RANBP2: variants seen among roughly 807,000 people sequenced by gnomAD.
RANBP2 encodes the protein RAN binding protein 2, also known as E3 SUMO-protein ligase RanBP2.
A neutral mutation model predicts 303.6 loss-of-function variants in RANBP2; 57 were observed. That is an observed-to-expected ratio of 0.19 (90% CI 0.15 to 0.23). The LOEUF is 0.23. Among genes scored for constraint, RANBP2 ranks in the 10% least tolerant of loss-of-function variants. RANBP2 has a pLI of 1.00. For missense variants in RANBP2, 3,138 were observed against 3,780.8 expected (o/e 0.83, Z 4.46); for synonymous variants, 1,167 against 1,301.5 (o/e 0.90, Z 2.23).
the RANBP2 span, chr2:109,449,110 CAG>C: frequency 6.5e-7 from 1 of 1,549,438 alleles, no homozygotes; most frequent in Non-Finnish European, 8.7e-7. Flanking sequence ...AGCTGCCTGG[CAG>C]GCATGGCAAG....
intron 21 of RANBP2, among the ~76,000 whole-genome samples, 153 bp downstream of exon 21, chr2:108,772,024 T>C (rs1311795974): frequency 6.6e-6 from 1 of 152,232 alleles, no homozygotes; most frequent in African/African-American, 2.4e-5. Context: ...AAATGGTCAA[T>C]GGATATAGTG....
At chr2:109,051,950 G>T in the RANBP2 span, among the ~76,000 whole-genome samples, 1 of 152,026 alleles carries the variant, frequency 6.6e-6, no homozygotes, top group African/African-American at 2.4e-5. Flanking sequence ...GGGTTTCACC[G>T]TGTTAGCCAG....
In RANBP2 at chr2:108,719,561, C is replaced by G. The variant is rs2149044998; in HGVS notation, c.-46C>G. 6.3e-7 allele frequency: 1 copy of G among 1,577,198 alleles called. No individual in the cohort carries two copies. Among genetic ancestry groups the G allele is most frequent in the Non-Finnish European group, 8.6e-7 (1 of 1,163,286 alleles). On this transcript the variant is annotated 5_prime_UTR_variant, in exon 1 of 29. Coordinates refer to ENST00000283195, the MANE Select transcript of RANBP2 (RefSeq NM_006267.5). ...TCTTGGAAGTGGCGACTGCTGCGGG[C>G]CTGAGCGCTGGTCTCACGCGCCTCG...
At chr2:109,043,664 A>G in the RANBP2 span, among the ~76,000 whole-genome samples, 1 of 152,234 alleles carries the variant, frequency 6.6e-6, no homozygotes, top group Non-Finnish European at 1.5e-5. Flanking sequence ...TCACAAGCAT[A>G]GTTATTTAAA....
the RANBP2 span, among the ~76,000 whole-genome samples, chr2:108,928,220 G>A: frequency 3.3e-5 from 5 of 152,174 alleles, no homozygotes; most frequent in Non-Finnish European, 7.3e-5. Context: ...CAGCTGCTCA[G>A]CCCTCTGAAC....
the RANBP2 span, among the ~76,000 whole-genome samples, chr2:108,813,397 A>G: frequency 6.6e-6 from 1 of 152,070 alleles, no homozygotes; most frequent in Non-Finnish European, 1.5e-5. Flanking sequence ...ATTTTTTAAT[A>G]GGGAAATATC....
At chr2:108,844,790 C>T in the RANBP2 span, among the ~76,000 whole-genome samples, 1 of 150,068 alleles carries the variant, frequency 6.7e-6, no homozygotes, top group African/African-American at 2.5e-5. Flanking sequence ...CTCTGTCATC[C>T]AGGCTGGAGA....
the RANBP2 span, among the ~76,000 whole-genome samples, chr2:109,484,850 C>T: frequency 2.0e-5 from 3 of 152,222 alleles, no homozygotes; most frequent in Non-Finnish European, 2.9e-5. Flanking sequence ...TCCCAGGCCT[C>T]TGAGGATCCA....
At chr2:108,814,492 G>A in the RANBP2 span, among the ~76,000 whole-genome samples, 1 of 152,016 alleles carries the variant, frequency 6.6e-6, no homozygotes, top group Admixed American at 6.6e-5. Context: ...AAAAAATTGA[G>A]AAAGTGAAAA....
At chr2:109,270,708 C>A in the RANBP2 span, among the ~76,000 whole-genome samples, 1 of 152,346 alleles carries the variant, frequency 6.6e-6, no homozygotes, top group East Asian at 1.9e-4. Context: ...CTGGAGCATC[C>A]TTTGGAGACC....
At chr2:109,152,440 G>A in the RANBP2 span, among the ~76,000 whole-genome samples, 8 of 152,338 alleles carry the variant, frequency 5.3e-5, no homozygotes, top group East Asian at 1.3e-3. Flanking sequence ...AGTTGAGAAC[G>A]AGAGCATAAT....
At chr2:109,615,833 G>T in the RANBP2 span, 4 of 1,614,128 alleles carry the variant, frequency 2.5e-6, no homozygotes, top group South Asian at 1.1e-5. Flanking sequence ...CTGAGGGGTG[G>T]GTCGGAGGCA....
At chr2:109,574,657 C>G in the RANBP2 span, 1 of 1,608,764 alleles carries the variant, frequency 6.2e-7, no homozygotes, top group Non-Finnish European at 8.5e-7. Context: ...GAAGTAGAGA[C>G]ACACATGGAT....
the RANBP2 span, among the ~76,000 whole-genome samples, chr2:109,356,586 C>T: frequency 6.6e-6 from 1 of 152,240 alleles, no homozygotes; most frequent in African/African-American, 2.4e-5. Flanking sequence ...ATAGTTTCTT[C>T]CTCAGCCAAA....
the RANBP2 span, among the ~76,000 whole-genome samples, chr2:108,824,285 A>G: frequency 2.6e-5 from 4 of 152,158 alleles, no homozygotes. Context: ...TAAAACATAA[A>G]TACATTGTAC....
chr2:108,854,037 AAT>A, the RANBP2 span, among the ~76,000 whole-genome samples: 2 of 69,318 alleles, frequency 2.9e-5, no homozygotes, highest in African/African-American at 1.2e-4. Flanking sequence ...TATTATATAT[AAT>A]ATATAATAAA....
chr2:109,488,924 C>A, the RANBP2 span, among the ~76,000 whole-genome samples: 3 of 152,182 alleles, frequency 2.0e-5, no homozygotes, highest in Non-Finnish European at 4.4e-5. Context: ...ATCTGGATCC[C>A]CGTGCTGCAT....
At chr2:109,732,774 T>G in the RANBP2 span, 2 of 833,162 alleles carry the variant, frequency 2.4e-6, no homozygotes, top group South Asian at 1.3e-5. Flanking sequence ...AAGACTGAAT[T>G]GGAACAGACT....
At chr2:109,273,384 A>AGG in the RANBP2 span, among the ~76,000 whole-genome samples, 1 of 152,150 alleles carries the variant, frequency 6.6e-6, no homozygotes, top group Non-Finnish European at 1.5e-5. Context: ...CGCATGGATG[A>AGG]GGGGGGAGGC....
Sources: gnomAD v4.1 joint callset for allele counts (sites outside exome capture counted in the v4.1 genomes callset) on GRCh38, gnomAD v4.1.1 for gene constraint, MANE v1.5 for transcripts, NCBI Gene and HGNC (gene_info 2026-07-23, HGNC 2026-07-21) for gene names.